Variants in COL6A6 observed in about 807,000 individuals in gnomAD.
COL6A6 encodes collagen alpha-6(VI) chain.
A neutral mutation model predicts 208.6 loss-of-function variants in COL6A6; 183 were observed. That is an observed-to-expected ratio of 0.88 (90% CI 0.78 to 0.99). The LOEUF is 0.99. COL6A6 is among the 50% of genes least tolerant of loss of function. The probability of loss-of-function intolerance (pLI) is 0.00; values close to 1 mark genes in which losing one functional copy is unlikely to be tolerated. For synonymous variants in COL6A6, 973 were observed against 1,011.8 expected (o/e 0.96, Z 0.73); for missense variants, 2,816 against 2,815.2 (o/e 1.00, Z -0.01).
intron 1 of COL6A6, among the ~76,000 whole-genome samples, chr3:130,527,471 G>A (rs986008814): frequency 1.3e-5 from 2 of 152,144 alleles, no homozygotes; most frequent in Non-Finnish European, 2.9e-5. Flanking sequence ...CCCCGCCAAG[G>A]GCATTTTGAA....
Position 130,581,682 on chromosome 3 carries a change from C to T in COL6A6, c.3669C>T (p.Ser1223=). The T allele has an allele frequency of 6.2e-7, 1 of 1,613,762 alleles. No homozygotes were observed. Among genetic ancestry groups the T allele is most frequent in the Non-Finnish European group, 8.5e-7 (1 of 1,179,722 alleles). ...AAGACATCTTACGTGCCATCAGCTC[C>T]CTCAATGGAGTAAGCTGTGAGGTGG... ...YLQDILRAIS[S]LNGVSCEVGT... The change falls in exon 9 of 37, where the codon TCC becomes TCT. Residue 1223 remains serine, a synonymous_variant. Coordinates refer to ENST00000358511, the MANE Select transcript of COL6A6 (RefSeq NM_001102608.3).
rs1390434918 is a variant in COL6A6 at position 130,567,080 on chromosome 3, T to C, written c.1661T>C (p.Leu554Ser). Residue 554 changes from leucine (L) to serine (S), a missense_variant, in exon 5 of 37, where the codon TTG (leucine) becomes TCG (serine). Transcript: ENST00000358511. ...AATGGCATGTCCAAGGATAGCATCTTGGAGCCTGCAAACAGACTGAGAGAA... is the reference window on the plus strand; with the variant it reads ...AATGGCATGTCCAAGGATAGCATCTCGGAGCCTGCAAACAGACTGAGAGAA... Reference protein sequence around the residue: ...LTNGMSKDSILEPANRLREEH... With the variant: ...LTNGMSKDSISEPANRLREEH... The C allele has an allele frequency of 4.3e-6, 7 of 1,614,026 alleles. No individual in the cohort carries two copies. The highest frequency in any genetic ancestry group is 5.9e-6 in the Non-Finnish European group (7 of 1,179,890).
intron 1 of COL6A6, among the ~76,000 whole-genome samples, chr3:130,550,457 TGTTA>T (rs773826782): frequency 5.2e-4 from 79 of 152,192 alleles, no homozygotes; most frequent in Admixed American, 1.2e-3. Context: ...GATGGCTCTG[TGTTA>T]GTTCGTTTCC....
At chr3:130,639,950 A>G (rs1269699095) in intron 28 of COL6A6, among the ~76,000 whole-genome samples, 1 of 152,110 alleles carries the variant, frequency 6.6e-6, no homozygotes, top group Non-Finnish European at 1.5e-5. Context: ...AGACTCACAC[A>G]TTTACTGTAC....
intron 32 of COL6A6, among the ~76,000 whole-genome samples, chr3:130,646,563 G>C (rs1042516776): frequency 1.3e-5 from 2 of 152,200 alleles, no homozygotes; most frequent in Non-Finnish European, 2.9e-5. Flanking sequence ...GATAGTGTGA[G>C]ACTCCGTCTC....
intron 1 of COL6A6, among the ~76,000 whole-genome samples, chr3:130,538,170 C>G (rs938975234): frequency 3.3e-5 from 5 of 152,198 alleles, no homozygotes; most frequent in African/African-American, 1.2e-4. Context: ...AAATGCTCAA[C>G]TTTGCCAAGA....
intron 1 of COL6A6, among the ~76,000 whole-genome samples, chr3:130,530,869 C>T (rs1267152810): frequency 6.6e-6 from 1 of 152,178 alleles, no homozygotes; most frequent in Non-Finnish European, 1.5e-5. Context: ...AGAAATTCTG[C>T]TTTCAGACTT....
chr3:130,647,600 T>C (rs894270692), intron 32 of COL6A6, among the ~76,000 whole-genome samples: 5 of 152,244 alleles, frequency 3.3e-5, no homozygotes, highest in Non-Finnish European at 7.3e-5. Flanking sequence ...GGTACTTCTT[T>C]TGCCTTTGAA....
rs767733534 is a variant in COL6A6, at chr3:130,658,669, C to G, written c.5734-7C>G. The G allele has an allele frequency of 6.2e-7, 1 of 1,606,662 alleles. No homozygotes were observed. Among genetic ancestry groups the G allele is most frequent in the Non-Finnish European group, 8.5e-7 (1 of 1,174,822 alleles). ...TAAGTTCTTTCTGCTGCTTCTGCTT[C>G]TTTTAGATTGACGACACTGGCACAT... On this transcript the variant is annotated splice_region_variant and splice_polypyrimidine_tract_variant and intron_variant, in intron 33 of 36. Transcript: ENST00000358511.
chr3:130,612,246 A>G (rs2064381837), intron 23 of COL6A6, among the ~76,000 whole-genome samples: 1 of 152,130 alleles, frequency 6.6e-6, no homozygotes. Context: ...ATGAATGTAC[A>G]CATGCATGTG....
At chr3:130,653,995 G>T (rs1217738839) in intron 33 of COL6A6, among the ~76,000 whole-genome samples, 2 of 152,210 alleles carry the variant, frequency 1.3e-5, no homozygotes, top group Non-Finnish European at 2.9e-5. Context: ...CAGAAATATG[G>T]AAGTGGTCAT....
chr3:130,523,333 G>A (rs1429511962), intron 1 of COL6A6, among the ~76,000 whole-genome samples: 1 of 152,090 alleles, frequency 6.6e-6, no homozygotes, highest in East Asian at 1.9e-4. Flanking sequence ...AATAGCCTGG[G>A]CTTCCTTAGC....
intron 10 of COL6A6, 144 bp from the exon 11 acceptor site, chr3:130,586,362 A>G (rs1359637759): frequency 3.1e-6 from 2 of 636,804 alleles, no homozygotes; most frequent in African/African-American, 1.8e-5. Flanking sequence ...TGTCAGGTTT[A>G]CATCATGTGT....
chr3:130,662,002 C>A lies in COL6A6; in HGVS notation c.6196C>A (p.Gln2066Lys), dbSNP rs897707435. Residue 2066 changes from glutamine to lysine, a missense_variant, in exon 35 of 37, where the codon CAG (glutamine) becomes AAG (lysine). Transcript: ENST00000358511. ...AGATGCTTTTATTGGTCATGCCTTA[C>A]AGTGGACTCTGGACAATGTATTTTT... ...NGDAFIGHAL[Q>K]WTLDNVFLST... is the part of the protein sequence containing the mutation. 2 of 1,613,868 alleles carry A rather than the reference C, an allele frequency of 1.2e-6. No individual in the cohort carries two copies. Among genetic ancestry groups the A allele is most frequent in the Non-Finnish European group, 1.7e-6 (2 of 1,179,892 alleles).
chr3:130,620,807 A>G (rs2064692748), intron 23 of COL6A6, among the ~76,000 whole-genome samples: 1 of 152,240 alleles, frequency 6.6e-6, no homozygotes, highest in Admixed American at 6.5e-5. Flanking sequence ...CTCATTACGC[A>G]AAGGCTGGTT....
At chr3:130,568,680 A>G in intron 6 of COL6A6, 76 bp downstream of exon 6, 4 of 1,311,666 alleles carry the variant, frequency 3.0e-6, no homozygotes, top group Non-Finnish European at 4.2e-6. Context: ...CTTGAATTTA[A>G]TTCTATTTAC....
In COL6A6 at chr3:130,649,266, G is replaced by C. The variant is rs894407841; in HGVS notation, c.5437G>C (p.Val1813Leu). The C allele has an allele frequency of 6.2e-7, 1 of 1,600,896 alleles. No homozygotes were observed. The highest frequency in any genetic ancestry group is 8.5e-7 in the Non-Finnish European group (1 of 1,173,836). The change falls in exon 33 of 37, where the codon GTG becomes CTG. Residue 1813 changes from valine (V) to leucine (L), a missense_variant. By Grantham distance (32) the Val-to-Leu change is conservative. Coordinates refer to ENST00000358511, the MANE Select transcript of COL6A6 (RefSeq NM_001102608.3). ...CTATAACTCCCACGCCAGGCACCTT[G>C]TGCGCTTCTCAGACGCCTACAAGAA... ...LSYNSHARHLVRFSDAYKKSQ... is the reference protein window; with the variant it reads ...LSYNSHARHLLRFSDAYKKSQ...
chr3:130,565,038 A>G lies in COL6A6; in HGVS notation c.706A>G (p.Met236Val), dbSNP rs752952929. 3.1e-5 allele frequency: 50 copies of G among 1,613,874 alleles called. No homozygotes were observed. The highest frequency in any genetic ancestry group is 4.0e-5 in the African/African-American group (3 of 74,922). Residue 236 changes from methionine to valine, a missense_variant, in exon 4 of 37, where the codon ATG (methionine) becomes GTG (valine). Physicochemically the swap from Met to Val is conservative, Grantham distance 21. Coordinates refer to ENST00000358511, the MANE Select transcript of COL6A6 (RefSeq NM_001102608.3). ...GGCCGATGTTGTGTTCCTATTGGAT[A>G]TGTCAATCAATGGAAGTGAGGAGAA... ...SMADVVFLLD[M>V]SINGSEENFD...
At chr3:130,583,326 A>T (rs1306292279) in intron 10 of COL6A6, among the ~76,000 whole-genome samples, 1 of 152,084 alleles carries the variant, frequency 6.6e-6, no homozygotes, top group Non-Finnish European at 1.5e-5. Context: ...GAAGGTTTTA[A>T]TTAAGACTGA....
Sources: gnomAD v4.1 joint callset for allele counts (sites outside exome capture counted in the v4.1 genomes callset) on GRCh38, gnomAD v4.1.1 for gene constraint, MANE v1.5 for transcripts, NCBI Gene and HGNC (gene_info 2026-07-23, HGNC 2026-07-21) for gene names.